The following APC variants were observed in gnomAD, a reference collection of about 807,000 sequenced individuals.
APC encodes the protein adenomatous polyposis coli protein.
A neutral mutation model predicts 247.0 loss-of-function variants in APC; 72 were observed. The observed-to-expected ratio is 0.29, with a 90% CI of 0.24 to 0.35. The LOEUF is 0.35. Among genes scored for constraint, APC ranks in the 10% least tolerant of loss-of-function variants. The pLI, the probability that APC is intolerant of heterozygous loss-of-function variation, is 1.00. For synonymous variants in APC, 1,254 were observed against 1,162.5 expected (o/e 1.08, Z -1.60); for missense variants, 3,400 against 3,360.7 (o/e 1.01, Z -0.29).
At chr5:112,764,451 G>T (rs541524169) in intron 2 of APC, among the ~76,000 whole-genome samples, 28 of 152,334 alleles carry the variant, frequency 1.8e-4, no homozygotes, top group Admixed American at 7.8e-4. Context: ...AACTGGGAAT[G>T]TGAAGGAAGA....
chr5:112,793,034 TAG>T (rs1008167416), intron 7 of APC, among the ~76,000 whole-genome samples: 5 of 151,830 alleles, frequency 3.3e-5, no homozygotes, highest in African/African-American at 1.2e-4. Context: ...AAGGCAGCAA[TAG>T]GAATGAAAAG....
chr5:112,780,027 A>G (rs1679920240), intron 5 of APC, among the ~76,000 whole-genome samples: 1 of 152,104 alleles, frequency 6.6e-6, no homozygotes, highest in African/African-American at 2.4e-5. Flanking sequence ...TTATTTAATC[A>G]GCTTTTATTG....
intron 13 of APC, 115 bp from the exon 14 acceptor site, chr5:112,828,741 G>A (rs1395969617): frequency 4.0e-6 from 3 of 751,672 alleles, no homozygotes; most frequent in African/African-American, 1.8e-5. Flanking sequence ...GAGTCACCAC[G>A]GCTAGCCAGA....
chr5:112,798,744 A>G (rs1760473574), intron 7 of APC, among the ~76,000 whole-genome samples: 1 of 152,218 alleles, frequency 6.6e-6, no homozygotes, highest in Non-Finnish European at 1.5e-5. Context: ...GAATAAAAAA[A>G]AGTAATTAGG....
intron 14 of APC, among the ~76,000 whole-genome samples, chr5:112,830,788 A>G (rs1291603260): frequency 1.3e-5 from 2 of 152,188 alleles, no homozygotes; most frequent in African/African-American, 2.4e-5. Flanking sequence ...TGGGAGTAGA[A>G]GAGAAGGGGA....
intron 8 of APC, chr5:112,810,247 G>A: frequency 2.5e-6 from 1 of 405,428 alleles, no homozygotes; most frequent in Non-Finnish European, 4.9e-6. Flanking sequence ...TAAAGGGATG[G>A]ACCTTAGATA....
chr5:112,840,181 G>A lies in APC; in HGVS notation c.4587G>A (p.Gln1529=), dbSNP rs2149918287. 6.2e-7 allele frequency: 1 copy of A among 1,613,990 alleles called. No homozygotes were observed. Among genetic ancestry groups the A allele is most frequent in the East Asian group, 2.2e-5 (1 of 44,888 alleles). The stretch of plus-strand genomic sequence containing the variant: ...AATTAAGAATAATGCCTCCAGTTCA[G>A]GAAAATGACAATGGGAATGAAACAG... ...DVELRIMPPV[Q]ENDNGNETES... The change falls in exon 16 of 16, where the codon CAG becomes CAA. Residue 1529 remains glutamine (Q), a synonymous_variant. Transcript: ENST00000257430. The surrounding 1 kb of genome is among the most constrained non-coding windows in gnomAD (Gnocchi z 4.1).
intron 1 of APC, among the ~76,000 whole-genome samples, chr5:112,719,294 T>C (rs1159442856): frequency 3.3e-5 from 5 of 151,894 alleles, no homozygotes; most frequent in Admixed American, 2.0e-4. Flanking sequence ...CTTGGCTCAC[T>C]GCAACCTCTG....
intron 1 of APC, among the ~76,000 whole-genome samples, chr5:112,746,675 G>T (rs1753721090): frequency 1.3e-5 from 2 of 152,198 alleles, no homozygotes; most frequent in South Asian, 4.1e-4. Flanking sequence ...AAAGGAAAAT[G>T]CCTAAACATG....
At chr5:112,732,490 C>T (rs1162603673) in intron 1 of APC, among the ~76,000 whole-genome samples, 2 of 152,182 alleles carry the variant, frequency 1.3e-5, no homozygotes, top group East Asian at 1.9e-4. Context: ...ATTCCGTTTC[C>T]TCAGTAGAAG....
chr5:112,725,269 A>G (rs1751708928), intron 1 of APC, among the ~76,000 whole-genome samples: 1 of 152,048 alleles, frequency 6.6e-6, no homozygotes. Flanking sequence ...CACTGCACCC[A>G]ACCAGATTAT....
chr5:112,831,557 A>T (rs1764304003), intron 14 of APC, among the ~76,000 whole-genome samples: 1 of 151,940 alleles, frequency 6.6e-6, no homozygotes, highest in Non-Finnish European at 1.5e-5. Flanking sequence ...TTTTCATTCA[A>T]TATCAATTCC....
chr5:112,822,048 T>G (rs1206434670), intron 11 of APC, 57 bp downstream of exon 11: 3 of 1,158,340 alleles, frequency 2.6e-6, no homozygotes, highest in Non-Finnish European at 3.8e-6. Context: ...TTTTAAATCA[T>G]GGTAGAAATT....
intron 8 of APC, among the ~76,000 whole-genome samples, chr5:112,803,189 A>C (rs1027431804): frequency 2.6e-5 from 4 of 152,146 alleles, no homozygotes; most frequent in Non-Finnish European, 2.9e-5. Flanking sequence ...GACATGAAAC[A>C]GGCTTTCTGG....
rs79656478 is a variant in APC, at chr5:112,830,523, A to G, written c.1743+1551A>G. Among the ~76,000 whole-genome samples, 1,466 of 152,352 alleles carry G rather than the reference A, an allele frequency of 9.6e-3. 23 individuals carry two copies. The highest frequency in any genetic ancestry group is 0.033 in the African/African-American group (1,386 of 41,580). On this transcript the variant is annotated intron_variant, in intron 14 of 15. Coordinates refer to ENST00000257430, the MANE Select transcript of APC (RefSeq NM_000038.6). ...TTTTTAAGTTAAACATACACCTGCC[A>G]TATGACCCAACCATTCCACTTCTAA...
chr5:112,746,624 A>G (rs1204109876), intron 1 of APC, among the ~76,000 whole-genome samples: 3 of 152,332 alleles, frequency 2.0e-5, no homozygotes, highest in South Asian at 2.1e-4. Flanking sequence ...AAAAAGTGCT[A>G]TTTACGTTCA....
chr5:112,765,176 C>T (rs1483671874), intron 2 of APC, among the ~76,000 whole-genome samples: 1 of 152,200 alleles, frequency 6.6e-6, no homozygotes, highest in Non-Finnish European at 1.5e-5. Context: ...GAGACTGTGG[C>T]TCACTGCAGC....
chr5:112,766,297 A>G, intron 2 of APC, 29 bp from the exon 3 acceptor site: 2 of 1,419,784 alleles, frequency 1.4e-6, no homozygotes, highest in Non-Finnish European at 2.0e-6. Context: ...TTAGAATTTC[A>G]TGTTAATATA....
At chr5:112,710,577 C>A (rs1316516801) in intron 1 of APC, among the ~76,000 whole-genome samples, 2 of 152,174 alleles carry the variant, frequency 1.3e-5, no homozygotes, top group Non-Finnish European at 2.9e-5. Context: ...CTTGTATCTT[C>A]TGCCATATAA....
Sources: allele counts gnomAD v4.1 joint callset (sites outside exome capture counted in the v4.1 genomes callset), GRCh38; gene constraint gnomAD v4.1.1; non-coding constraint Gnocchi (gnomAD v3.1); transcripts MANE v1.5; gene names NCBI Gene and HGNC (gene_info 2026-07-23, HGNC 2026-07-21).